Variants in ASAP2 observed in about 807,000 individuals in gnomAD.
The protein encoded by ASAP2 is ArfGAP with SH3 domain, ankyrin repeat and PH domain 2.
A neutral mutation model predicts 131.4 loss-of-function variants in ASAP2; 45 were observed. The observed-to-expected ratio is 0.34, with a 90% CI of 0.27 to 0.44. The LOEUF (loss-of-function observed/expected upper bound fraction) is 0.44. Ranked by LOEUF, ASAP2 falls within the 20% of genes least tolerant of loss-of-function variation. The probability of loss-of-function intolerance (pLI) is 1.00; values close to 1 mark genes in which losing one functional copy is unlikely to be tolerated. For synonymous variants in ASAP2, 510 were observed against 503.0 expected (o/e 1.01, Z -0.19); for missense variants, 1,011 against 1,297.0 (o/e 0.78, Z 3.39).
chr2:9,305,495 A>G (rs1330846992), intron 3 of ASAP2, among the ~76,000 whole-genome samples: 10 of 112,724 alleles, frequency 8.9e-5, no homozygotes, highest in South Asian at 3.0e-4. Context: ...ATTGGTGGAG[A>G]GGCTGTAGTA....
intron 16 of ASAP2, among the ~76,000 whole-genome samples, chr2:9,372,272 G>A (rs1341647638): frequency 1.3e-5 from 2 of 152,232 alleles, no homozygotes; most frequent in East Asian, 1.9e-4. Flanking sequence ...CAGGAATGGA[G>A]CATCTCCCTG....
chr2:9,292,943 C>T (rs1401270163), intron 2 of ASAP2, among the ~76,000 whole-genome samples: 1 of 152,216 alleles, frequency 6.6e-6, no homozygotes, highest in African/African-American at 2.4e-5. Context: ...GGCTTGCTTC[C>T]TCACTGTGCT....
chr2:9,332,857 C>T (rs1193799844), intron 7 of ASAP2, among the ~76,000 whole-genome samples: 1 of 152,090 alleles, frequency 6.6e-6, no homozygotes, highest in Admixed American at 6.5e-5. Context: ...GAAACATATT[C>T]TATATTCAGA....
Position 9,206,982 on chromosome 2 carries a change from C to T in ASAP2, c.-123C>T, listed in dbSNP as rs1661148939. ...GCGCGGCTCCCGCGCCCGGCGCTCC[C>T]CTTTGTCCGCGGGCCGGAGCGGCGG... On this transcript the variant is annotated 5_prime_UTR_variant, in exon 1 of 28. Coordinates refer to ENST00000281419, the MANE Select transcript of ASAP2 (RefSeq NM_003887.3). This position sits in a 1 kb window ranked among gnomAD's most constrained non-coding sequence, Gnocchi z 4.0. 2.1e-6 allele frequency: 2 copies of T among 957,886 alleles called. No individual in the cohort carries two copies. Among genetic ancestry groups the T allele is most frequent in the Non-Finnish European group, 1.3e-6 (1 of 799,500 alleles). 59.3% of individuals were successfully genotyped at this position (957,886 alleles called of 1,614,324 possible).
chr2:9,349,569 C>T (rs147128347), intron 11 of ASAP2, among the ~76,000 whole-genome samples: 34 of 152,322 alleles, frequency 2.2e-4, no homozygotes, highest in Admixed American at 4.6e-4. Flanking sequence ...TGATTTCTGA[C>T]GATCCAGGAA....
intron 3 of ASAP2, among the ~76,000 whole-genome samples, chr2:9,307,264 G>T (rs1384316852): frequency 1.3e-5 from 2 of 152,004 alleles, no homozygotes; most frequent in Non-Finnish European, 2.9e-5. Context: ...TCCTAGTCAC[G>T]CTGGCCTTGC....
intron 15 of ASAP2, among the ~76,000 whole-genome samples, chr2:9,359,188 C>T (rs894910633): frequency 3.9e-5 from 6 of 152,160 alleles, no homozygotes; most frequent in African/African-American, 7.2e-5. Flanking sequence ...CCAGCTCACC[C>T]CATCCATTAG....
intron 20 of ASAP2, among the ~76,000 whole-genome samples, chr2:9,381,257 A>C (rs1674815831): frequency 6.6e-6 from 1 of 152,246 alleles, no homozygotes; most frequent in African/African-American, 2.4e-5. Context: ...CAATGTAGAC[A>C]GTAGAAAGAG....
chr2:9,382,129 A>G (rs906137519), intron 20 of ASAP2, among the ~76,000 whole-genome samples: 6 of 151,954 alleles, frequency 3.9e-5, no homozygotes, highest in Admixed American at 3.3e-4. Context: ...GATTACAGGC[A>G]CCTGCCACCA....
At chr2:9,380,513 A>G (rs1674755301) in intron 19 of ASAP2, among the ~76,000 whole-genome samples, 1 of 152,156 alleles carries the variant, frequency 6.6e-6, no homozygotes, top group African/African-American at 2.4e-5. Context: ...TAGTTTCTTG[A>G]TTAGTTCAAA....
At chr2:9,338,290 GCTCT>G (rs140305748) in intron 9 of ASAP2, among the ~76,000 whole-genome samples, 4,536 of 148,752 alleles carry the variant, frequency 0.03, 225 homozygotes, top group African/African-American at 0.11. Flanking sequence ...AAGTATGGTT[GCTCT>G]CTCTCTCTCT....
At chr2:9,329,108 G>A (rs1029078970) in intron 7 of ASAP2, among the ~76,000 whole-genome samples, 3 of 152,170 alleles carry the variant, frequency 2.0e-5, no homozygotes, top group African/African-American at 7.2e-5. Context: ...GTATGAGTAG[G>A]AGCCGGCAGA....
intron 9 of ASAP2, among the ~76,000 whole-genome samples, chr2:9,339,069 C>T (rs1671412574): frequency 2.0e-5 from 3 of 152,130 alleles, no homozygotes; most frequent in African/African-American, 4.8e-5. Context: ...GTCCCAGCTA[C>T]CCGGGAGGCT....
intron 15 of ASAP2, 105 bp from the exon 16 acceptor site, chr2:9,368,320 A>G (rs1572562644): frequency 2.9e-6 from 3 of 1,032,752 alleles, no homozygotes; most frequent in Admixed American, 3.9e-5. Flanking sequence ...TTATTGCTCT[A>G]TTTCTTAGTG....
At chr2:9,260,860 A>G (rs1402125307) in intron 1 of ASAP2, among the ~76,000 whole-genome samples, 1 of 152,192 alleles carries the variant, frequency 6.6e-6, no homozygotes, top group Non-Finnish European at 1.5e-5. Context: ...CATGCAAATG[A>G]TGACCCTGCC....
chr2:9,315,365 G>T (rs573471723), intron 3 of ASAP2, among the ~76,000 whole-genome samples: 1 of 152,210 alleles, frequency 6.6e-6, no homozygotes, highest in Non-Finnish European at 1.5e-5. Flanking sequence ...GGCAGTGGAC[G>T]TGAGAATGGC....
chr2:9,389,466 G>T lies in ASAP2; in HGVS notation c.2383+920G>T, dbSNP rs1675551283. On this transcript the variant is annotated intron_variant, in intron 22 of 27. Coordinates refer to ENST00000281419, the MANE Select transcript of ASAP2 (RefSeq NM_003887.3). The surrounding 1 kb of genome is among the most constrained non-coding windows in gnomAD (Gnocchi z 4.7). ...TTATGTGGTAGCTGCTAGCTGGGCA[G>T]GCTGGGTCGGTGCGTGAGGGTGGCT... is the stretch of plus-strand genomic sequence containing the variant. 6.6e-6 allele frequency among the ~76,000 whole-genome samples: 1 copy of T among 152,234 alleles called. No individual in the cohort carries two copies. Among genetic ancestry groups the T allele is most frequent in the African/African-American group, 2.4e-5 (1 of 41,460 alleles).
intron 15 of ASAP2, among the ~76,000 whole-genome samples, chr2:9,367,540 T>C (rs1256833233): frequency 6.6e-6 from 1 of 151,946 alleles, no homozygotes; most frequent in Non-Finnish European, 1.5e-5. Context: ...GTGGCCGGAT[T>C]GCATGAGCCC....
At position 9,225,578 on chromosome 2, in the gene ASAP2, G is replaced by A. The variant is rs80008657; in HGVS notation, c.126+18348G>A. ...GGATTATGGAGGGCTGAGCATGTCA[G>A]TTGGAAATTGATTCAGAAGGTTGTG... On this transcript the variant is annotated intron_variant, in intron 1 of 27. Coordinates refer to ENST00000281419, the MANE Select transcript of ASAP2 (RefSeq NM_003887.3). 4.2e-4 allele frequency among the ~76,000 whole-genome samples: 64 copies of A among 152,322 alleles called. 1 individual carries two copies. The East Asian group carries it at 0.011, about 27-fold the overall frequency.
Sources: gnomAD v4.1 joint callset for allele counts (sites outside exome capture counted in the v4.1 genomes callset) on GRCh38, gnomAD v4.1.1 for gene constraint, Gnocchi (gnomAD v3.1) non-coding constraint, MANE v1.5 for transcripts, NCBI Gene and HGNC (gene_info 2026-07-23, HGNC 2026-07-21) for gene names.